Variants in NALCN observed in about 807,000 individuals in gnomAD.
NALCN encodes the protein sodium leak channel, non-selective, also known as sodium leak channel NALCN.
A neutral mutation model predicts 225.3 loss-of-function variants in NALCN; 111 were observed. That is an observed-to-expected ratio of 0.49 (90% CI 0.42 to 0.58). The LOEUF is 0.58. NALCN is among the 20% of genes least tolerant of loss of function. NALCN has a pLI of 0.00. For missense variants in NALCN, 1,378 were observed against 2,202.4 expected (o/e 0.63, Z 7.49); for synonymous variants, 764 against 769.0 (o/e 0.99, Z 0.11).
intron 7 of NALCN, among the ~76,000 whole-genome samples, chr13:101,323,203 T>C (rs1019705574): frequency 6.6e-6 from 1 of 152,200 alleles, no homozygotes; most frequent in African/African-American, 2.4e-5. Context: ...TATCAGTATA[T>C]AAAACAGTCA....
At chr13:101,372,679 A>G (rs1485758167) in intron 6 of NALCN, among the ~76,000 whole-genome samples, 2 of 152,178 alleles carry the variant, frequency 1.3e-5, no homozygotes, top group African/African-American at 4.8e-5. Flanking sequence ...AAATGCAGCT[A>G]AAACAGTGCT....
chr13:101,305,223 G>C (rs2044116851), intron 7 of NALCN, among the ~76,000 whole-genome samples: 1 of 152,184 alleles, frequency 6.6e-6, no homozygotes, highest in East Asian at 1.9e-4. Flanking sequence ...AAGAAATGGA[G>C]TTGAATGTTG....
chr13:101,312,088 G>T (rs2044367955), intron 7 of NALCN, among the ~76,000 whole-genome samples: 1 of 152,130 alleles, frequency 6.6e-6, no homozygotes, highest in Non-Finnish European at 1.5e-5. Flanking sequence ...TTTAGTCTTG[G>T]GAGGGTGTAC....
chr13:101,354,368 G>A (rs2045989853), intron 6 of NALCN, among the ~76,000 whole-genome samples: 1 of 152,030 alleles, frequency 6.6e-6, no homozygotes, highest in Admixed American at 6.6e-5. Flanking sequence ...GAAAAGTTAA[G>A]CATCAGGACA....
intron 3 of NALCN, among the ~76,000 whole-genome samples, chr13:101,387,276 A>T (rs2047024846): frequency 6.6e-6 from 1 of 151,288 alleles, no homozygotes; most frequent in South Asian, 2.1e-4. Flanking sequence ...TTCGCAAATC[A>T]CTGGCATATG....
intron 15 of NALCN, among the ~76,000 whole-genome samples, chr13:101,167,063 C>T (rs2038476021): frequency 6.6e-6 from 1 of 152,116 alleles, no homozygotes; most frequent in Non-Finnish European, 1.5e-5. Context: ...TATTCTGTTC[C>T]ACTGGTCTAT....
chr13:101,073,329 G>A (rs1021178722), intron 37 of NALCN, among the ~76,000 whole-genome samples: 2 of 151,926 alleles, frequency 1.3e-5, no homozygotes, highest in African/African-American at 4.8e-5. Context: ...AAGATGGGAG[G>A]GAAAGAACAA....
At chr13:101,115,012 T>C (rs2035637835) in intron 18 of NALCN, among the ~76,000 whole-genome samples, 1 of 152,184 alleles carries the variant, frequency 6.6e-6, no homozygotes, top group African/African-American at 2.4e-5. Context: ...TCTCAGCTCT[T>C]ATCCACAGTA....
intron 7 of NALCN, among the ~76,000 whole-genome samples, chr13:101,337,308 ATTTATTTATTTATTTT>A (rs1276221574): frequency 6.7e-5 from 10 of 148,992 alleles, no homozygotes; most frequent in Admixed American, 4.0e-4. Flanking sequence ...TTATTTATTT[ATTTATTTATTTATTTT>A]TTGAGACAGA....
rs575623993 is a variant in NALCN at position 101,258,580 on chromosome 13, G to A, written c.1135-6C>T. 6 of 1,614,126 alleles carry A rather than the reference G, an allele frequency of 3.7e-6. No homozygotes were observed. In the South Asian group the frequency reaches 6.6e-5, roughly 18 times the overall value. ...ACGGATGACCGCATCATTTTCTGAG[G>A]GGGCGAAACAGACAGACTCTTAACA... On this transcript the variant is annotated splice_region_variant and splice_polypyrimidine_tract_variant and intron_variant, in intron 10 of 43. Transcript: ENST00000251127.
intron 40 of NALCN, among the ~76,000 whole-genome samples, chr13:101,065,082 T>A (rs1051973723): frequency 1.1e-4 from 17 of 152,110 alleles, no homozygotes; most frequent in Admixed American, 1.1e-3. Context: ...AGTTCCCGCA[T>A]CACAGGGAAG....
At position 101,054,757 on chromosome 13, in the gene NALCN, A is replaced by ACTT. The variant is rs1467877973; in HGVS notation, c.*535_*537dup. 1 of 152,220 alleles carries ACTT rather than the reference A, an allele frequency of 6.6e-6. No homozygotes were observed. The highest frequency in any genetic ancestry group is 1.5e-5 in the Non-Finnish European group (1 of 68,042). The allele number at this position is 152,220 out of a possible 1,614,324, so 9.4% of individuals were successfully genotyped here. A position where few individuals can be genotyped will look rare whatever the true frequency, so the allele number is the denominator to read the frequency against. Reference sequence around the variant, plus strand: ...AAATATAACACGAGAAAAAGAAGATACTTTTTAAAATTCAGAATCTGTAGT... The same window carrying ACTT: ...AAATATAACACGAGAAAAAGAAGATACTTCTTTTTAAAATTCAGAATCTGTAGT... On this transcript the variant is annotated 3_prime_UTR_variant, in exon 44 of 44. Coordinates refer to ENST00000251127, the MANE Select transcript of NALCN (RefSeq NM_052867.4).
Position 101,284,080 on chromosome 13 carries a change from T to C in NALCN, c.1048-61A>G, listed in dbSNP as rs891785421. On this transcript the variant is annotated intron_variant, in intron 9 of 43. Transcript: ENST00000251127. ...TTAATATGGAACATTGAGAACTCTA[T>C]GTCTCCAGCTTTGTATATTTTTATG... The C allele has an allele frequency of 2.9e-6, 4 of 1,393,146 alleles. No homozygotes were observed. The South Asian group carries it at 5.1e-5, about 18-fold the overall frequency. The allele number at this position is 1,393,146 out of a possible 1,614,324, so 86.3% of individuals were successfully genotyped here.
At chr13:101,150,857 T>C (rs2037612248) in intron 15 of NALCN, among the ~76,000 whole-genome samples, 1 of 152,154 alleles carries the variant, frequency 6.6e-6, no homozygotes, top group Admixed American at 6.5e-5. Flanking sequence ...GTTTTTAAGA[T>C]CATGATTCTT....
At chr13:101,279,623 C>T (rs967702512) in intron 10 of NALCN, among the ~76,000 whole-genome samples, 7 of 150,100 alleles carry the variant, frequency 4.7e-5, no homozygotes, top group Non-Finnish European at 8.9e-5. Flanking sequence ...GAGACCATCC[C>T]GGCTAAAACG....
At chr13:101,081,401 T>G in intron 34 of NALCN, 126 bp downstream of exon 34, 2 of 1,356,614 alleles carry the variant, frequency 1.5e-6, no homozygotes, top group Non-Finnish European at 2.0e-6. Flanking sequence ...AAGCTGGGCT[T>G]TAGGGAGGTC....
chr13:101,200,210 C>T (rs1206873842), intron 13 of NALCN, among the ~76,000 whole-genome samples: 4 of 152,114 alleles, frequency 2.6e-5, no homozygotes, highest in Non-Finnish European at 5.9e-5. Flanking sequence ...TCATGCCCCA[C>T]TTTCAAACCT....
At chr13:101,330,865 C>T (rs1286606043) in intron 7 of NALCN, among the ~76,000 whole-genome samples, 3 of 152,168 alleles carry the variant, frequency 2.0e-5, no homozygotes, top group African/African-American at 4.8e-5. Context: ...TGCCTGCCCC[C>T]ATGTAAGATG....
At chr13:101,199,973 T>C (rs2040052212) in intron 13 of NALCN, among the ~76,000 whole-genome samples, 1 of 152,050 alleles carries the variant, frequency 6.6e-6, no homozygotes, top group Non-Finnish European at 1.5e-5. Context: ...TTTCCTAATG[T>C]CTAAATGTTA....
Sources: allele counts gnomAD v4.1 joint callset (sites outside exome capture counted in the v4.1 genomes callset), GRCh38; gene constraint gnomAD v4.1.1; transcripts MANE v1.5; gene names NCBI Gene and HGNC (gene_info 2026-07-23, HGNC 2026-07-21).